Variants in KDM5A observed in about 807,000 individuals in gnomAD.
KDM5A encodes lysine demethylase 5A.
In KDM5A, 42 loss-of-function variants were observed where a neutral mutation model predicts 193.5. The ratio of observed to expected loss-of-function variants is 0.22; its 90% CI spans 0.17 to 0.28. The LOEUF is 0.28. KDM5A is among the 10% of genes least tolerant of loss of function. The pLI is 1.00. For missense variants in KDM5A, 1,692 were observed against 2,055.1 expected, an observed-to-expected ratio of 0.82 and a Z score of 3.42; for synonymous variants, 796 against 718.1, an observed-to-expected ratio of 1.11 and a Z score of -1.73.
chr12:332,081 T>C (rs1464419811), intron 12 of KDM5A, 143 bp from the exon 13 acceptor site: 10 of 745,172 alleles, frequency 1.3e-5, no homozygotes, highest in Middle Eastern at 3.7e-4. Context: ...CAGAAAATGA[T>C]ATCAGAAATA....
Position 306,942 on chromosome 12 carries a change from C to T in KDM5A, c.4074+4G>A, listed in dbSNP as rs1943515014. 3.1e-6 allele frequency: 5 copies of T among 1,611,834 alleles called. No homozygotes were observed. The East Asian group carries it at 8.9e-5, about 29-fold the overall frequency. ...GTACCCACACAGCTTGTCCATGTAA[C>T]TACCTTCATGTCGTAGCCATATGTC... is the stretch of plus-strand genomic sequence containing the variant. On this transcript the variant is annotated splice_donor_region_variant and intron_variant, in intron 24 of 27. Coordinates refer to ENST00000399788, the MANE Select transcript of KDM5A (RefSeq NM_001042603.3).
intron 2 of KDM5A, among the ~76,000 whole-genome samples, chr12:385,379 G>C (rs942735634): frequency 1.3e-5 from 2 of 151,486 alleles, no homozygotes; most frequent in African/African-American, 2.4e-5. Flanking sequence ...CTTCCATTTA[G>C]AAAATTTAAG....
intron 24 of KDM5A, among the ~76,000 whole-genome samples, chr12:298,244 T>A (rs1943398634): frequency 6.6e-6 from 1 of 152,198 alleles, no homozygotes; most frequent in Non-Finnish European, 1.5e-5. Context: ...CCGTGCATCC[T>A]GACGGGGAGA....
chr12:336,836 A>C (rs1047897490), intron 10 of KDM5A, among the ~76,000 whole-genome samples: 62 of 73,810 alleles, frequency 8.4e-4, no homozygotes, highest in Admixed American at 4.1e-3. Context: ...CTCCATCTCA[A>C]AAAAAAAAAA....
intron 5 of KDM5A, among the ~76,000 whole-genome samples, chr12:362,595 C>A (rs1326985450): frequency 6.6e-6 from 1 of 152,228 alleles, no homozygotes; most frequent in East Asian, 1.9e-4. Flanking sequence ...GGGTCACCCT[C>A]TTATTTGTCA....
intron 3 of KDM5A, among the ~76,000 whole-genome samples, chr12:381,812 C>T (rs1193505341): frequency 1.3e-5 from 1 of 78,010 alleles, no homozygotes; most frequent in African/African-American, 4.5e-5. Context: ...AATATGGTTA[C>T]TCTGTTTTTT....
At chr12:289,918 T>C (rs1321913923) in intron 27 of KDM5A, among the ~76,000 whole-genome samples, 2 of 147,896 alleles carry the variant, frequency 1.4e-5, no homozygotes, top group Non-Finnish European at 3.0e-5. Context: ...TTTTTTTTTT[T>C]TTTTTTTTTT....
At chr12:339,428 T>C (rs1033375962) in intron 10 of KDM5A, among the ~76,000 whole-genome samples, 2 of 152,288 alleles carry the variant, frequency 1.3e-5, no homozygotes, top group African/African-American at 4.8e-5. Context: ...TATCATCTTA[T>C]AACAAAAACA....
chr12:353,813 T>C (rs1197479825), intron 8 of KDM5A, among the ~76,000 whole-genome samples: 5 of 151,770 alleles, frequency 3.3e-5, no homozygotes, highest in Non-Finnish European at 7.4e-5. Context: ...TCCCAGCTAC[T>C]TCGGAGGCTG....
intron 9 of KDM5A, among the ~76,000 whole-genome samples, 155 bp downstream of exon 9, chr12:352,050 G>A (rs1051343694): frequency 3.5e-5 from 5 of 142,534 alleles, no homozygotes; most frequent in African/African-American, 1.3e-4. Flanking sequence ...GTTGCAGTGA[G>A]CCGAGATTGT....
intron 10 of KDM5A, among the ~76,000 whole-genome samples, chr12:345,979 C>T (rs1944068436): frequency 6.6e-6 from 1 of 152,056 alleles, no homozygotes; most frequent in African/African-American, 2.4e-5. Flanking sequence ...AATCCAGGAC[C>T]TGGTTTTTTG....
chr12:354,267 T>A (rs1944202372), intron 7 of KDM5A, 33 bp from the exon 8 acceptor site: 5 of 1,468,816 alleles, frequency 3.4e-6, no homozygotes, highest in Non-Finnish European at 4.7e-6. Context: ...AAGTCTATTT[T>A]CTATAATAAA....
chr12:360,558 G>T (rs931130933), intron 5 of KDM5A, among the ~76,000 whole-genome samples: 1 of 152,152 alleles, frequency 6.6e-6, no homozygotes, highest in Non-Finnish European at 1.5e-5. Context: ...GATCAATTAA[G>T]ATATGAAATG....
At chr12:361,000 A>G (rs1944287505) in intron 5 of KDM5A, among the ~76,000 whole-genome samples, 1 of 152,232 alleles carries the variant, frequency 6.6e-6, no homozygotes, top group Non-Finnish European at 1.5e-5. Context: ...AAGAAGCTGA[A>G]GTTCTACCAG....
In KDM5A at chr12:290,414, G is replaced by A. The variant is rs11062280; in HGVS notation, c.4866+2345C>T. On this transcript the variant is annotated intron_variant, in intron 27 of 27. Transcript: ENST00000399788. ...ACTAACAACATAGGGTGGGGCACAC[G>A]TTGCTCACCTTTACGTATCGTAACA... is the stretch of plus-strand genomic sequence containing the variant. Among the ~76,000 whole-genome samples, 1,143 of 152,262 alleles carry A rather than the reference G, an allele frequency of 7.5e-3. 7 individuals carry two copies. The highest frequency in any genetic ancestry group is 0.012 in the Non-Finnish European group (834 of 68,026).
At chr12:370,983 T>A (rs1186625182) in intron 3 of KDM5A, among the ~76,000 whole-genome samples, 1 of 152,224 alleles carries the variant, frequency 6.6e-6, no homozygotes, top group Non-Finnish European at 1.5e-5. Context: ...CCATGGTGCA[T>A]ATGTGCCACA....
At position 381,156 on chromosome 12, in the gene KDM5A, G is replaced by T. The variant is rs146661844; in HGVS notation, c.366+2875C>A. ...ATTACAGGCATGTGCCACCACGTCC[G>T]GCTAATTTTGTATTTTTAGTAGAGA... On this transcript the variant is annotated intron_variant, in intron 3 of 27. Coordinates refer to ENST00000399788, the MANE Select transcript of KDM5A (RefSeq NM_001042603.3). 1.6e-4 allele frequency among the ~76,000 whole-genome samples: 25 copies of T among 152,172 alleles called. No individual in the cohort carries two copies. In the East Asian group the frequency reaches 4.8e-3, roughly 29 times the overall value.
At chr12:345,904 A>C (rs1443617863) in intron 10 of KDM5A, among the ~76,000 whole-genome samples, 1 of 152,210 alleles carries the variant, frequency 6.6e-6, no homozygotes, top group African/African-American at 2.4e-5. Context: ...GAAGGCAAGA[A>C]ATAACTAAGA....
intron 19 of KDM5A, 98 bp downstream of exon 19, chr12:318,008 A>AAC (rs2137403176): frequency 1.0e-6 from 1 of 959,080 alleles, no homozygotes; most frequent in African/African-American, 1.6e-5. Context: ...GCAAAAAAAA[A>AAC]AAAAGTCATT....
Sources: gnomAD v4.1 joint callset for allele counts (sites outside exome capture counted in the v4.1 genomes callset) on GRCh38, gnomAD v4.1.1 for gene constraint, MANE v1.5 for transcripts, NCBI Gene and HGNC (gene_info 2026-07-23, HGNC 2026-07-21) for gene names.